LSG1: variants seen among roughly 807,000 people sequenced by gnomAD.
LSG1 encodes the protein large subunit GTPase 1 homolog.
LSG1 carries 55 observed loss-of-function variants against 82.6 expected under a neutral mutation model. The ratio of observed to expected loss-of-function variants is 0.67; its 90% CI spans 0.54 to 0.83. The LOEUF (loss-of-function observed/expected upper bound fraction) is 0.83. Ranked by LOEUF, LSG1 falls within the 40% of genes least tolerant of loss-of-function variation. LSG1 has a pLI of 0.00. For synonymous variants in LSG1, 272 were observed against 282.5 expected (o/e 0.96, Z 0.37); for missense variants, 809 against 807.9 (o/e 1.00, Z -0.02).
At chr3:194,652,680 G>C (rs757700564) in intron 8 of LSG1, 49 bp downstream of exon 8, 1 of 1,563,628 alleles carries the variant, frequency 6.4e-7, no homozygotes, top group South Asian at 1.2e-5. Context: ...GAAAAATGGG[G>C]ATTAAAGACA....
At position 194,665,622 on chromosome 3, in the gene LSG1, C is replaced by T; in HGVS notation, c.456G>A (p.Leu152=). 6.2e-7 allele frequency: 1 copy of T among 1,612,612 alleles called. No individual in the cohort carries two copies. The highest frequency in any genetic ancestry group is 8.5e-7 in the Non-Finnish European group (1 of 1,179,112). ...QLVRLEEEQK[L]ILTPFERNLD... ...AATTTCGTTCAAATGGAGTCAATAT[C>T]AGCTTCTGTTCCTCTTCTAGCCTAG... Residue 152 remains leucine (L), a synonymous_variant, in exon 5 of 14, where the codon CTG becomes CTA. Transcript: ENST00000265245.
At chr3:194,643,007 C>T (rs1179958307) in intron 13 of LSG1, among the ~76,000 whole-genome samples, 1 of 152,222 alleles carries the variant, frequency 6.6e-6, no homozygotes, top group Admixed American at 6.5e-5. Context: ...TTGTGTAAGG[C>T]ATGCAGATAA....
At chr3:194,642,315 T>TA (rs780065389) in intron 13 of LSG1, 68 bp from the exon 14 acceptor site, 9 of 1,324,778 alleles carry the variant, frequency 6.8e-6, no homozygotes, top group Non-Finnish European at 9.3e-6. Context: ...TGCACAGTAC[T>TA]ATTAGTGGAT....
chr3:194,665,494 C>T (rs550157930), intron 5 of LSG1, 63 bp downstream of exon 5: 2 of 1,236,106 alleles, frequency 1.6e-6, no homozygotes, highest in Admixed American at 1.9e-5. Context: ...CCTATATCAA[C>T]AGCCAAATCG....
chr3:194,656,799 C>T (rs1312398752), intron 7 of LSG1, among the ~76,000 whole-genome samples: 1 of 152,054 alleles, frequency 6.6e-6, no homozygotes, highest in African/African-American at 2.4e-5. Context: ...ACATATACAC[C>T]ATGGAATACT....
intron 5 of LSG1, among the ~76,000 whole-genome samples, chr3:194,660,450 T>C (rs1560226927): frequency 2.0e-5 from 3 of 152,102 alleles, no homozygotes; most frequent in Non-Finnish European, 2.9e-5. Flanking sequence ...TGATGTTTCA[T>C]TGCTAAGACA....
At chr3:194,643,799 C>T (rs1033298960) in intron 13 of LSG1, among the ~76,000 whole-genome samples, 8 of 152,186 alleles carry the variant, frequency 5.3e-5, no homozygotes, top group African/African-American at 9.7e-5. Context: ...ACAACCCAAA[C>T]GTCCCTCAAA....
At chr3:194,668,914 G>C (rs1322698004) in intron 2 of LSG1, among the ~76,000 whole-genome samples, 1 of 86,010 alleles carries the variant, frequency 1.2e-5, no homozygotes, top group African/African-American at 3.3e-5. Flanking sequence ...CAATATGAAT[G>C]AACCACTCTG....
chr3:194,645,585 C>CAGACAG (rs1718529301), intron 12 of LSG1, among the ~76,000 whole-genome samples: 8 of 74,722 alleles, frequency 1.1e-4, no homozygotes, highest in African/African-American at 1.6e-4. Context: ...GACACACACA[C>CAGACAG]ACACACACAC....
At chr3:194,659,178 A>G in intron 6 of LSG1, 45 bp from the exon 7 acceptor site, 1 of 1,345,140 alleles carries the variant, frequency 7.4e-7, no homozygotes, top group Non-Finnish European at 9.9e-7. Context: ...CAAACAAGTA[A>G]AAAAATGAGG....
At chr3:194,664,920 C>CAAAT (rs201430622) in intron 5 of LSG1, among the ~76,000 whole-genome samples, 1,917 of 150,638 alleles carry the variant, frequency 0.013, 19 homozygotes, top group Non-Finnish European at 0.019. Flanking sequence ...AACTCCGTCT[C>CAAAT]AAATAAATAA....
At chr3:194,667,720 G>A (rs1280535368) in intron 2 of LSG1, among the ~76,000 whole-genome samples, 8 of 150,988 alleles carry the variant, frequency 5.3e-5, no homozygotes, top group East Asian at 2.0e-4. Context: ...TCACGAGTTC[G>A]AGACCAGCCT....
chr3:194,646,645 C>A (rs1457172646), intron 11 of LSG1, among the ~76,000 whole-genome samples: 1 of 152,194 alleles, frequency 6.6e-6, no homozygotes, highest in Non-Finnish European at 1.5e-5. Flanking sequence ...CTCAGCCTCC[C>A]AAGTACCTGG....
intron 10 of LSG1, chr3:194,649,093 G>T: frequency 3.6e-6 from 1 of 278,412 alleles, no homozygotes; most frequent in East Asian, 1.1e-4. Flanking sequence ...AAAAGATTAC[G>T]CATTTGTGAT....
intron 7 of LSG1, among the ~76,000 whole-genome samples, chr3:194,654,502 T>G (rs778959969): frequency 6.6e-6 from 1 of 152,148 alleles, no homozygotes; most frequent in Non-Finnish European, 1.5e-5. Context: ...GAAAAATAGG[T>G]ATGATTTAAC....
At chr3:194,645,519 C>CACAGACACACACACACACACACAG (rs1718508241) in intron 12 of LSG1, 2 of 51,974 alleles carry the variant, frequency 3.8e-5, no homozygotes, top group African/African-American at 6.2e-5. Flanking sequence ...CACACACACA[C>CACAGACACACACACACACACACAG]ACACACACAC....
At position 194,672,176 on chromosome 3, in the gene LSG1, C is replaced by G. The variant is rs746885760; in HGVS notation, c.-14G>C. The G allele has an allele frequency of 2.5e-6, 4 of 1,577,296 alleles. No individual in the cohort carries two copies. In the South Asian group the frequency reaches 3.3e-5, roughly 13 times the overall value. On this transcript the variant is annotated 5_prime_UTR_variant, in exon 1 of 14. Coordinates refer to ENST00000265245, the MANE Select transcript of LSG1 (RefSeq NM_018385.3). The stretch of plus-strand genomic sequence containing the variant: ...CCTCCGGCCCATGGCAACACGACCG[C>G]TGGACGAAGCTTCCCGGCTCGGCGC...
In LSG1 at chr3:194,642,184, C is replaced by T; in HGVS notation, c.1861G>A (p.Val621Ile). The change falls in exon 14 of 14, where the codon GTA (valine) becomes ATA (isoleucine). Residue 621 changes from valine (V) to isoleucine (I), a missense_variant. Coordinates refer to ENST00000265245, the MANE Select transcript of LSG1 (RefSeq NM_018385.3). The part of the protein sequence containing the change: ...AVMGYKPGSG[V>I]VTASTASSEN... ...GAGCTCGCAGTGGATGCAGTCACTACACCACTCCCGGGCTTGTAACCCATC... is the reference window on the plus strand; with the variant it reads ...GAGCTCGCAGTGGATGCAGTCACTATACCACTCCCGGGCTTGTAACCCATC... 1 of 1,614,134 alleles carries T rather than the reference C, an allele frequency of 6.2e-7. No homozygotes were observed. Among genetic ancestry groups the T allele is most frequent in the Non-Finnish European group, 8.5e-7 (1 of 1,180,028 alleles).
In LSG1 at chr3:194,647,371, C is replaced by G. The variant is rs1345570209; in HGVS notation, c.1544-1128G>C. Among the ~76,000 whole-genome samples, 4 of 152,234 alleles carry G rather than the reference C, an allele frequency of 2.6e-5. No homozygotes were observed. The South Asian group carries it at 8.3e-4, about 32-fold the overall frequency. ...CTTTTACAAATCATTAAGACAGAAC[C>G]ATGTATAGGAAAATGTGATTCCCAG... is the stretch of plus-strand genomic sequence containing the variant. On this transcript the variant is annotated intron_variant, in intron 11 of 13. Coordinates refer to ENST00000265245, the MANE Select transcript of LSG1 (RefSeq NM_018385.3).
Sources: allele counts gnomAD v4.1 joint callset (sites outside exome capture counted in the v4.1 genomes callset), GRCh38; gene constraint gnomAD v4.1.1; transcripts MANE v1.5; gene names NCBI Gene and HGNC (gene_info 2026-07-23, HGNC 2026-07-21).